Variants in CADM2 observed in about 807,000 individuals in gnomAD.
CADM2 encodes the protein cell adhesion molecule 2.
Under a neutral mutation model 49.8 loss-of-function variants are expected in CADM2, and 12 were observed. That is an observed-to-expected ratio of 0.24 (90% CI 0.15 to 0.39). The LOEUF (loss-of-function observed/expected upper bound fraction) is 0.39, where lower values mean the gene tolerates loss of function less well. Among genes scored for constraint, CADM2 ranks in the 10% least tolerant of loss-of-function variants. CADM2 has a pLI of 1.00. For synonymous variants in CADM2, 214 were observed against 175.4 expected, an observed-to-expected ratio of 1.22 and a Z score of -1.74; for missense variants, 378 against 492.3, an observed-to-expected ratio of 0.77 and a Z score of 2.20.
chr3:85,091,946 T>C (rs902349410), intron 1 of CADM2, among the ~76,000 whole-genome samples: 2 of 152,162 alleles, frequency 1.3e-5, no homozygotes, highest in African/African-American at 4.8e-5. Context: ...GTTGTAGCAA[T>C]TGAATAAATG....
chr3:85,892,627 T>C (rs1714617200), intron 5 of CADM2, among the ~76,000 whole-genome samples: 1 of 152,160 alleles, frequency 6.6e-6, no homozygotes, highest in Non-Finnish European at 1.5e-5. Flanking sequence ...CCTTCCTCCA[T>C]GATAGTGAGG....
chr3:85,979,226 A>G lies in CADM2; in HGVS notation c.970+17579A>G, dbSNP rs1408760706. Reference sequence around the variant, plus strand: ...CTCCCTTACCACTGCAACAGTCACAACCACTGTAGCCATAACAACCAGCCC... The same window carrying G: ...CTCCCTTACCACTGCAACAGTCACAGCCACTGTAGCCATAACAACCAGCCC... On this transcript the variant is annotated intron_variant, in intron 8 of 9. Coordinates refer to ENST00000383699, the MANE Select transcript of CADM2 (RefSeq NM_001167675.2). 2 of 1,610,866 alleles carry G rather than the reference A, an allele frequency of 1.2e-6. No homozygotes were observed. Among genetic ancestry groups the G allele is most frequent in the Admixed American group, 3.3e-5 (2 of 59,790 alleles).
chr3:84,959,790 C>G (rs1018862464), intron 1 of CADM2, 122 bp downstream of exon 1: 3 of 906,032 alleles, frequency 3.3e-6, no homozygotes, highest in South Asian at 3.0e-5. Context: ...CCACCCCCTC[C>G]CCCTACTCTC....
intron 1 of CADM2, among the ~76,000 whole-genome samples, chr3:85,179,510 G>C (rs2040870737): frequency 6.6e-6 from 1 of 151,380 alleles, no homozygotes; most frequent in Admixed American, 6.6e-5. Flanking sequence ...TTTTTAATAT[G>C]AATGCAAGAT....
intron 1 of CADM2, among the ~76,000 whole-genome samples, chr3:85,308,321 A>ACACACACAC (rs1388313537): frequency 1.3e-5 from 2 of 151,116 alleles, no homozygotes; most frequent in African/African-American, 4.9e-5. Flanking sequence ...ACACACACAC[A>ACACACACAC]CACACACACA....
In CADM2 at chr3:85,553,392, A is replaced by G. The variant is rs554452840; in HGVS notation, c.62-173130A>G. ...AGAAATGTAACTTTCCCAATGATACATAATTGCTAACTTCTACAAGCACAG... is the reference window on the plus strand; with the variant it reads ...AGAAATGTAACTTTCCCAATGATACGTAATTGCTAACTTCTACAAGCACAG... On this transcript the variant is annotated intron_variant, in intron 1 of 9. Transcript: ENST00000383699. 2.6e-5 allele frequency among the ~76,000 whole-genome samples: 4 copies of G among 152,316 alleles called. No homozygotes were observed. In the South Asian group the frequency reaches 6.2e-4, roughly 24 times the overall value.
intron 7 of CADM2, among the ~76,000 whole-genome samples, chr3:85,961,062 T>C (rs1484110761): frequency 2.0e-5 from 3 of 147,330 alleles, no homozygotes; most frequent in Non-Finnish European, 3.0e-5. Context: ...AAAAATTATA[T>C]ATTTATATAT....
Position 85,244,609 on chromosome 3 carries a change from A to G in CADM2, c.61+284941A>G, listed in dbSNP as rs1243207337. ...ATTATTTCTCATTTTCCAAGCTGTGATTTAGAGCAATAGCGTAAGTATAAA... is the reference window on the plus strand; with the variant it reads ...ATTATTTCTCATTTTCCAAGCTGTGGTTTAGAGCAATAGCGTAAGTATAAA... On this transcript the variant is annotated intron_variant, in intron 1 of 9. Coordinates refer to ENST00000383699, the MANE Select transcript of CADM2 (RefSeq NM_001167675.2). 2.0e-5 allele frequency among the ~76,000 whole-genome samples: 3 copies of G among 152,100 alleles called. No homozygotes were observed. In the East Asian group the frequency reaches 5.8e-4, roughly 29 times the overall value.
chr3:85,734,978 ATGTGTG>A (rs142565193), intron 2 of CADM2, among the ~76,000 whole-genome samples: 4 of 148,326 alleles, frequency 2.7e-5, no homozygotes, highest in East Asian at 4.0e-4. Context: ...AAATATATAT[ATGTGTG>A]TGTGTGTGTG....
intron 1 of CADM2, among the ~76,000 whole-genome samples, chr3:85,716,455 G>A (rs1483801662): frequency 6.6e-6 from 1 of 151,966 alleles, no homozygotes; most frequent in Non-Finnish European, 1.5e-5. Context: ...TCTGTAGATT[G>A]CCTGTTCACT....
intron 3 of CADM2, among the ~76,000 whole-genome samples, chr3:85,872,220 A>G (rs957986665): frequency 2.6e-5 from 4 of 152,204 alleles, no homozygotes; most frequent in Admixed American, 6.5e-5. Flanking sequence ...GAAGCAGTAC[A>G]TATCACACTA....
chr3:85,997,897 A>G (rs1261486653), intron 8 of CADM2, among the ~76,000 whole-genome samples: 12 of 152,184 alleles, frequency 7.9e-5, no homozygotes, highest in Admixed American at 7.9e-4. Flanking sequence ...CAAAAAATTC[A>G]GTGAAATTAG....
At chr3:85,143,924 A>G (rs1426242631) in intron 1 of CADM2, among the ~76,000 whole-genome samples, 1 of 152,174 alleles carries the variant, frequency 6.6e-6, no homozygotes, top group African/African-American at 2.4e-5. Flanking sequence ...TTGAGGATAT[A>G]CACAGTCTGG....
At chr3:85,974,821 TTCTG>T (rs757009364) in intron 8 of CADM2, among the ~76,000 whole-genome samples, 4 of 151,800 alleles carry the variant, frequency 2.6e-5, no homozygotes, top group East Asian at 1.9e-4. Flanking sequence ...GATTTAGGGG[TTCTG>T]TCTGTTATTG....
chr3:85,888,375 AG>A (rs1346410568), intron 5 of CADM2, among the ~76,000 whole-genome samples: 4 of 152,194 alleles, frequency 2.6e-5, no homozygotes, highest in African/African-American at 9.6e-5. Context: ...AGGAGGGGAA[AG>A]ATTTTTGCTC....
chr3:85,505,018 G>C (rs148140638), intron 1 of CADM2, among the ~76,000 whole-genome samples: 8,931 of 152,194 alleles, frequency 0.059, 601 homozygotes, highest in African/African-American at 0.16. Flanking sequence ...AGCTGGCCCG[G>C]AAGCGCCGCG....
intron 8 of CADM2, among the ~76,000 whole-genome samples, chr3:86,062,239 G>A (rs147329023): frequency 9.7e-4 from 148 of 152,246 alleles, no homozygotes; most frequent in African/African-American, 3.5e-3. Context: ...ACTTGAGCAA[G>A]AGGTGGATTT....
At chr3:85,125,641 G>C (rs527761592) in intron 1 of CADM2, among the ~76,000 whole-genome samples, 1 of 152,286 alleles carries the variant, frequency 6.6e-6, no homozygotes, top group South Asian at 2.1e-4. Context: ...GGGATTGCAG[G>C]TTTGAACCAC....
intron 3 of CADM2, among the ~76,000 whole-genome samples, chr3:85,845,234 T>C (rs1290759062): frequency 6.6e-6 from 1 of 151,586 alleles, no homozygotes; most frequent in African/African-American, 2.4e-5. Flanking sequence ...AAGCAGTTTA[T>C]TCTGGCATGG....
Sources: allele counts gnomAD v4.1 joint callset (sites outside exome capture counted in the v4.1 genomes callset), GRCh38; gene constraint gnomAD v4.1.1; transcripts MANE v1.5; gene names NCBI Gene and HGNC (gene_info 2026-07-23, HGNC 2026-07-21).